NXN: variants seen among roughly 807,000 people sequenced by gnomAD.
NXN encodes nucleoredoxin 1.
NXN carries 16 observed loss-of-function variants against 48.6 expected under a neutral mutation model. That is an observed-to-expected ratio of 0.33 (90% CI 0.22 to 0.50). The LOEUF is 0.50. NXN is among the 20% of genes least tolerant of loss of function. The pLI, the probability that NXN is intolerant of heterozygous loss-of-function variation, is 0.98. For synonymous variants in NXN, 281 were observed against 269.6 expected (o/e 1.04, Z -0.41); for missense variants, 492 against 605.5 (o/e 0.81, Z 1.97).
At chr17:892,049 A>C (rs1597700102) in intron 1 of NXN, among the ~76,000 whole-genome samples, 1 of 148,782 alleles carries the variant, frequency 6.7e-6, no homozygotes, top group African/African-American at 2.5e-5. Flanking sequence ...CCCAACAGGG[A>C]ACCTAAACTA....
chr17:957,225 C>G (rs894217938), intron 1 of NXN, among the ~76,000 whole-genome samples: 2 of 151,968 alleles, frequency 1.3e-5, no homozygotes, highest in African/African-American at 4.8e-5. Flanking sequence ...TGTCACCACC[C>G]CCCTCCCCCA....
rs1302904082 is a variant in NXN at position 932,461 on chromosome 17, G to C, written c.360+46858C>G. Among the ~76,000 whole-genome samples, 1 of 152,206 alleles carries C rather than the reference G, an allele frequency of 6.6e-6. No individual in the cohort carries two copies. Among genetic ancestry groups the C allele is most frequent in the Admixed American group, 6.5e-5 (1 of 15,270 alleles). The stretch of plus-strand genomic sequence containing the variant: ...GTTATTCATCAGTTTGGAAACCGCA[G>C]GTCTTCAGCAAAACAAAACTCTGAG... On this transcript the variant is annotated intron_variant, in intron 1 of 7. Transcript: ENST00000336868. This position sits in a 1 kb window ranked among gnomAD's most constrained non-coding sequence, Gnocchi z 4.1.
intron 1 of NXN, among the ~76,000 whole-genome samples, chr17:912,734 C>T (rs1039512700): frequency 6.6e-6 from 1 of 152,104 alleles, no homozygotes; most frequent in African/African-American, 2.4e-5. Flanking sequence ...GGGCGGATCA[C>T]CTGAGGTCAG....
At chr17:969,885 G>T (rs1350409932) in intron 1 of NXN, among the ~76,000 whole-genome samples, 2 of 152,140 alleles carry the variant, frequency 1.3e-5, no homozygotes, top group Admixed American at 6.6e-5. Context: ...TTTGGTGACT[G>T]TTCGACAACG....
intron 1 of NXN, among the ~76,000 whole-genome samples, chr17:865,371 T>C (rs1203632740): frequency 6.6e-6 from 1 of 151,990 alleles, no homozygotes; most frequent in Non-Finnish European, 1.5e-5. Flanking sequence ...GCCTCCTGCA[T>C]AGCTGGGATT....
In NXN at chr17:910,746, T is replaced by A. The variant is rs1193280478; in HGVS notation, c.360+68573A>T. ...ATGGTCAACCCAGTCCCATCTGTCC[T>A]TGATTACTTAATTTGCAGTCACCGG... On this transcript the variant is annotated intron_variant, in intron 1 of 7. Transcript: ENST00000336868. 35 of 152,250 alleles carry A rather than the reference T, an allele frequency of 2.3e-4. 1 individual carries two copies. Among genetic ancestry groups the A allele is most frequent in the Admixed American group, 2.3e-3 (35 of 15,280 alleles). 9.4% of individuals were successfully genotyped at this position (152,250 alleles called of 1,614,324 possible).
chr17:904,312 A>ATCCGGCTTCCG (rs2068563833), intron 1 of NXN, among the ~76,000 whole-genome samples: 1 of 148,554 alleles, frequency 6.7e-6, no homozygotes, highest in Admixed American at 6.7e-5. Flanking sequence ...TCCGGCTTCC[A>ATCCGGCTTCCG]TCCGACAGAC....
intron 2 of NXN, among the ~76,000 whole-genome samples, chr17:824,200 C>T (rs111679868): frequency 0.039 from 5,976 of 152,144 alleles, 126 homozygotes; most frequent in African/African-American, 0.052. Flanking sequence ...CCACCAGGCC[C>T]GGCTAATGTT....
intron 5 of NXN, among the ~76,000 whole-genome samples, chr17:818,021 G>A (rs1166622868): frequency 6.6e-6 from 1 of 152,172 alleles, no homozygotes; most frequent in Non-Finnish European, 1.5e-5. Flanking sequence ...CACTTTGGGA[G>A]GCCGAGGCGG....
chr17:866,257 A>G (rs1047682018), intron 1 of NXN, among the ~76,000 whole-genome samples: 2 of 152,092 alleles, frequency 1.3e-5, no homozygotes, highest in Non-Finnish European at 2.9e-5. Flanking sequence ...TACATGTATA[A>G]ATGCACAGAA....
rs757420440 is a variant in NXN, at chr17:819,465, C to T, written c.794G>A (p.Arg265His). The stretch of plus-strand genomic sequence containing the variant: ...TTGGATTCCGTACAGCCGGTTGAGG[C>T]GCGACCGCCGGGCCTCATCCGTGTA... ...VPYTDEARRS[R>H]LNRLYGIQGI... is the part of the protein sequence containing the mutation. Residue 265 changes from arginine (R) to histidine (H), a missense_variant, in exon 5 of 8, where the codon CGC (arginine) becomes CAC (histidine). This residue lies in a region of NXN where 303 missense variants were observed against 388.3 expected (regional missense o/e 0.78). Transcript: ENST00000336868. The T allele has an allele frequency of 2.3e-5, 37 of 1,613,862 alleles. No individual in the cohort carries two copies. Among genetic ancestry groups the T allele is most frequent in the Non-Finnish European group, 2.8e-5 (33 of 1,179,994 alleles).
intron 5 of NXN, among the ~76,000 whole-genome samples, chr17:810,728 A>G (rs1259229598): frequency 6.6e-6 from 1 of 152,114 alleles, no homozygotes; most frequent in Non-Finnish European, 1.5e-5. Flanking sequence ...CGTCTCTACT[A>G]AAAATACAAA....
intron 1 of NXN, among the ~76,000 whole-genome samples, chr17:888,828 A>G (rs536618111): frequency 5.3e-5 from 8 of 151,818 alleles, no homozygotes; most frequent in Non-Finnish European, 1.0e-4. Flanking sequence ...GGTGGTGGGC[A>G]CCTGTAATCC....
At chr17:827,546 C>T (rs1913191124) in intron 1 of NXN, among the ~76,000 whole-genome samples, 1 of 152,198 alleles carries the variant, frequency 6.6e-6, no homozygotes. Flanking sequence ...TGGCGTGAAC[C>T]CGGGAGGCGG....
chr17:885,212 C>T (rs2144848155), intron 1 of NXN, among the ~76,000 whole-genome samples: 1 of 152,260 alleles, frequency 6.6e-6, no homozygotes, highest in African/African-American at 2.4e-5. Flanking sequence ...GCCTGTAATC[C>T]CAGCATTTTG....
Position 919,427 on chromosome 17 carries a change from T to C in NXN, c.360+59892A>G, listed in dbSNP as rs1021708586. ...TTAAACAGCTTTTATTACAATACTCTGTCAATGCAGGGCAATCATTCCTTA... is the reference window on the plus strand; with the variant it reads ...TTAAACAGCTTTTATTACAATACTCCGTCAATGCAGGGCAATCATTCCTTA... On this transcript the variant is annotated intron_variant, in intron 1 of 7. Transcript: ENST00000336868. This position sits in a 1 kb window ranked among gnomAD's most constrained non-coding sequence, Gnocchi z 5.1. Among the ~76,000 whole-genome samples the C allele has an allele frequency of 6.6e-6, 1 of 152,182 alleles. No homozygotes were observed. The highest frequency in any genetic ancestry group is 2.4e-5 in the African/African-American group (1 of 41,450).
In NXN at chr17:979,722, A is replaced by G; in HGVS notation, c.-44T>C. ...GGGCAGGCGGCTGCGACCCCGCTCC[A>G]CGGTCCGCGCGGCGGGAGGAGGCGG... On this transcript the variant is annotated 5_prime_UTR_variant, in exon 1 of 8. Coordinates refer to ENST00000336868, the MANE Select transcript of NXN (RefSeq NM_022463.5). 7.7e-7 allele frequency: 1 copy of G among 1,294,784 alleles called. No homozygotes were observed. Among genetic ancestry groups the G allele is most frequent in the Non-Finnish European group, 9.8e-7 (1 of 1,020,924 alleles). 80.2% of individuals were successfully genotyped at this position (1,294,784 alleles called of 1,614,324 possible).
At chr17:933,966 G>A (rs1415945874) in intron 1 of NXN, among the ~76,000 whole-genome samples, 3 of 152,206 alleles carry the variant, frequency 2.0e-5, no homozygotes, top group African/African-American at 7.2e-5. Flanking sequence ...AACAGGAGGG[G>A]AAATGGGTGG....
rs569534564 is a variant in NXN, at chr17:958,249, C to T, written c.360+21070G>A. On this transcript the variant is annotated intron_variant, in intron 1 of 7. Transcript: ENST00000336868. This position sits in a 1 kb window ranked among gnomAD's most constrained non-coding sequence, Gnocchi z 6.9. ...GGTGGCTGCCAGCTTGTCCCTTCCCCGGTGCCTCTGCCCAACAAGACATGA... is the reference window on the plus strand; with the variant it reads ...GGTGGCTGCCAGCTTGTCCCTTCCCTGGTGCCTCTGCCCAACAAGACATGA... 7.2e-5 allele frequency among the ~76,000 whole-genome samples: 11 copies of T among 152,320 alleles called. No homozygotes were observed. In the South Asian group the frequency reaches 1.0e-3, roughly 14 times the overall value.
Sources: gnomAD v4.1 joint callset for allele counts (sites outside exome capture counted in the v4.1 genomes callset) on GRCh38, gnomAD v4.1.1 for gene constraint, gnomAD v4.1.1 regional missense constraint, Gnocchi (gnomAD v3.1) non-coding constraint, MANE v1.5 for transcripts, NCBI Gene and HGNC (gene_info 2026-07-23, HGNC 2026-07-21) for gene names.